FRYL: variants seen among roughly 807,000 people sequenced by gnomAD.
The protein encoded by FRYL is protein furry homolog-like.
Under a neutral mutation model 351.2 loss-of-function variants are expected in FRYL, and 150 were observed. That is an observed-to-expected ratio of 0.43 (90% CI 0.37 to 0.49). The LOEUF (loss-of-function observed/expected upper bound fraction) is 0.49. FRYL is among the 20% of genes least tolerant of loss of function. FRYL has a pLI of 0.00. For missense variants in FRYL, 3,036 were observed against 3,619.3 expected, an observed-to-expected ratio of 0.84 and a Z score of 4.13; for synonymous variants, 1,153 against 1,257.1, an observed-to-expected ratio of 0.92 and a Z score of 1.75.
In FRYL at chr4:48,540,784, C is replaced by A. The variant is rs375162329; in HGVS notation, c.5864G>T (p.Arg1955Leu). 6.2e-7 allele frequency: 1 copy of A among 1,613,786 alleles called. No individual in the cohort carries two copies. Residue 1955 changes from arginine to leucine, a missense_variant, in exon 46 of 64, where the codon CGG becomes CTG. Arg to Leu is a moderately radical substitution (Grantham distance 102). This residue lies in a region of FRYL where 1,987 missense variants were observed against 2,311.7 expected (regional missense o/e 0.86). Transcript: ENST00000358350. ...CATTATATCCAGTGTGTTACTCCGC[C>A]GCCGGTCACCTCGTCGGTCACCAAT... ...SLIGDRRGDR[R>L]RSNTLDIMDG...
intron 1 of FRYL, among the ~76,000 whole-genome samples, chr4:48,745,906 A>T (rs1772621396): frequency 6.6e-6 from 1 of 152,224 alleles, no homozygotes; most frequent in African/African-American, 2.4e-5. Context: ...GACATTTAGA[A>T]GATGATTGAT....
intron 1 of FRYL, among the ~76,000 whole-genome samples, chr4:48,722,791 A>C (rs1194697348): frequency 6.6e-6 from 1 of 152,214 alleles, no homozygotes; most frequent in Non-Finnish European, 1.5e-5. Flanking sequence ...ACTTCCTAAT[A>C]ATCACCATTT....
chr4:48,561,542 T>C lies in FRYL; in HGVS notation c.3791A>G (p.Tyr1264Cys), dbSNP rs1296084813. The C allele has an allele frequency of 2.5e-6, 4 of 1,612,656 alleles. No homozygotes were observed. The highest frequency in any genetic ancestry group is 3.4e-6 in the Non-Finnish European group (4 of 1,178,994). The change falls in exon 33 of 64, where the codon TAT (tyrosine) becomes TGT (cysteine). Residue 1264 changes from tyrosine to cysteine, a missense_variant. Transcript: ENST00000358350. The part of the protein sequence containing the change: ...LSQLSPLPHL[Y>C]SVSYYQLSEE... ...GGACAACTGATAATATGAAACAGAA[T>C]AGAGATGTGGTAGAGGAGACAGCTG...
Position 48,549,351 on chromosome 4 carries a change from G to A in FRYL, c.4784+122C>T. The A allele has an allele frequency of 2.8e-6, 2 of 717,056 alleles. No individual in the cohort carries two copies. The allele number at this position is 717,056 out of a possible 1,614,324, so 44.4% of individuals were successfully genotyped here. ...TCTTAGAATCTAAACACATTGATCT[G>A]TGTTGCAGTATCTCCATAAAGAAGA... On this transcript the variant is annotated intron_variant, in intron 39 of 63. Transcript: ENST00000358350. The surrounding 1 kb of genome is among the most constrained non-coding windows in gnomAD (Gnocchi z 4.2).
chr4:48,701,028 T>G (rs1766662622), intron 2 of FRYL, among the ~76,000 whole-genome samples: 1 of 152,158 alleles, frequency 6.6e-6, no homozygotes, highest in African/African-American at 2.4e-5. Flanking sequence ...TTAAGATACT[T>G]CTACCTTAAA....
intron 44 of FRYL, among the ~76,000 whole-genome samples, chr4:48,542,440 G>A (rs1458191049): frequency 1.3e-5 from 2 of 152,158 alleles, no homozygotes; most frequent in South Asian, 2.1e-4. Context: ...TATTTGAGAC[G>A]TAGTCTTGCT....
chr4:48,568,603 C>T (rs951018062), intron 27 of FRYL, among the ~76,000 whole-genome samples: 3 of 151,510 alleles, frequency 2.0e-5, no homozygotes, highest in African/African-American at 7.3e-5. Context: ...TGAGTAACTT[C>T]GGAATAAATA....
chr4:48,531,091 G>T, intron 50 of FRYL, 65 bp downstream of exon 50: 1 of 1,061,716 alleles, frequency 9.4e-7, no homozygotes. Context: ...TTAAATCAAA[G>T]AATGAATAAA....
intron 3 of FRYL, among the ~76,000 whole-genome samples, chr4:48,664,734 G>C (rs1315432030): frequency 6.6e-6 from 1 of 152,188 alleles, no homozygotes; most frequent in African/African-American, 2.4e-5. Flanking sequence ...TCAAGTGCTT[G>C]CTAGCCAACA....
chr4:48,540,187 G>T, intron 46 of FRYL, 119 bp from the exon 47 acceptor site: 6 of 1,129,648 alleles, frequency 5.3e-6, no homozygotes, highest in Non-Finnish European at 7.5e-6. Flanking sequence ...TGGGATATTC[G>T]ATCTTCTAAT....
At chr4:48,508,224 T>A (rs1403744431) in intron 59 of FRYL, among the ~76,000 whole-genome samples, 1 of 152,180 alleles carries the variant, frequency 6.6e-6, no homozygotes, top group Non-Finnish European at 1.5e-5. Context: ...TTCAAGAAGT[T>A]TGTAAGCATT....
chr4:48,521,058 C>T lies in FRYL; in HGVS notation c.7679G>A (p.Arg2560Gln), dbSNP rs765228287. The T allele has an allele frequency of 1.6e-5, 26 of 1,609,530 alleles. No homozygotes were observed. In the South Asian group the frequency reaches 2.4e-4, roughly 15 times the overall value. The change falls in exon 55 of 64, where the codon CGG becomes CAG. Residue 2560 changes from arginine (R) to glutamine (Q), a missense_variant. Arg to Gln is a conservative substitution (Grantham distance 43, BLOSUM62 1). Around this residue, in one of 7 missense-constraint regions of FRYL, gnomAD observed 1,987 missense variants for 2,311.7 expected, o/e 0.86. Coordinates refer to ENST00000358350, the MANE Select transcript of FRYL (RefSeq NM_015030.2). ...LEASLDNANS[R>Q]LPEDTTSVLK... is the part of the protein sequence containing the mutation. ...TCCATTTCTCCCCACCTCAGGCAGC[C>T]GGCTGTTAGCATTATCTAGAGAAGC...
Position 48,631,316 on chromosome 4 carries a change from A to C in FRYL, c.120+2975T>G, listed in dbSNP as rs753726481. ...TTACCACTATTAATCATAATTTTAT[A>C]ATCTCAGATTACATAGCAGATGCCT... On this transcript the variant is annotated intron_variant, in intron 4 of 63. Coordinates refer to ENST00000358350, the MANE Select transcript of FRYL (RefSeq NM_015030.2). Among the ~76,000 whole-genome samples, 37 of 152,308 alleles carry C rather than the reference A, an allele frequency of 2.4e-4. 1 individual carries two copies. The highest frequency in any genetic ancestry group is 4.6e-4 in the Non-Finnish European group (31 of 68,024).
intron 2 of FRYL, among the ~76,000 whole-genome samples, chr4:48,690,639 A>G (rs1248568992): frequency 6.6e-6 from 1 of 152,236 alleles, no homozygotes; most frequent in Non-Finnish European, 1.5e-5. Flanking sequence ...GGAAGGGAAC[A>G]TGTGACCCCT....
intron 3 of FRYL, among the ~76,000 whole-genome samples, chr4:48,660,830 T>A (rs1232421065): frequency 4.6e-5 from 7 of 152,020 alleles, no homozygotes; most frequent in African/African-American, 1.2e-4. Flanking sequence ...AGAAAAAACA[T>A]GAGACAAATC....
chr4:48,567,199 T>C lies in FRYL; in HGVS notation c.3169+49A>G, dbSNP rs980440339. ...TTAAACCTCAAGGAAAGAAAAAATA[T>C]GACGGTTCCTTAATACTCAATAATG... is the stretch of plus-strand genomic sequence containing the variant. On this transcript the variant is annotated intron_variant, in intron 28 of 63. Coordinates refer to ENST00000358350, the MANE Select transcript of FRYL (RefSeq NM_015030.2). This position sits in a 1 kb window ranked among gnomAD's most constrained non-coding sequence, Gnocchi z 4.2. 5 of 1,461,100 alleles carry C rather than the reference T, an allele frequency of 3.4e-6. No homozygotes were observed. Among genetic ancestry groups the C allele is most frequent in the African/African-American group, 1.4e-5 (1 of 69,208 alleles). The allele number at this position is 1,461,100 out of a possible 1,614,324, so 90.5% of individuals were successfully genotyped here. A position where few individuals can be genotyped will look rare whatever the true frequency, so the allele number is the denominator to read the frequency against.
Position 48,499,512 on chromosome 4 carries a change from C to G in FRYL, c.8952G>C (p.Leu2984=). 6.2e-7 allele frequency: 1 copy of G among 1,614,050 alleles called. No homozygotes were observed. The highest frequency in any genetic ancestry group is 8.5e-7 in the Non-Finnish European group (1 of 1,179,950). Residue 2984 remains leucine, a synonymous_variant, in exon 64 of 64, where the codon CTG becomes CTC. Coordinates refer to ENST00000358350, the MANE Select transcript of FRYL (RefSeq NM_015030.2). ...CCATGCGTAGAGACTCTCTTATTTC[C>G]AGATTAAGTTCCATCAGTTTGTAGT... ...EANYKLMELN[L]EIRESLRMVQ...
Position 48,535,801 on chromosome 4 carries a change from T to G in FRYL, c.6420A>C (p.Thr2140=). The change falls in exon 48 of 64, where the codon ACA becomes ACC. Residue 2140 remains threonine (T), a synonymous_variant. Transcript: ENST00000358350. ...TCATCATGTGTGCCAGATTGACAAG[T>G]GTTGGGCATTTTTCTTCTGCACAAA... ...AKVCAEEKCP[T]LVNLAHMMSL... 1 of 1,549,836 alleles carries G rather than the reference T, an allele frequency of 6.5e-7. No homozygotes were observed. The highest frequency in any genetic ancestry group is 1.3e-5 in the South Asian group (1 of 78,926).
At chr4:48,591,589 A>G (rs1424142528) in intron 16 of FRYL, among the ~76,000 whole-genome samples, 1 of 152,036 alleles carries the variant, frequency 6.6e-6, no homozygotes, top group African/African-American at 2.4e-5. Context: ...TTTGGTATCT[A>G]TGTTCCACTT....
Sources: allele counts gnomAD v4.1 joint callset (sites outside exome capture counted in the v4.1 genomes callset), GRCh38; gene constraint gnomAD v4.1.1; regional missense constraint gnomAD v4.1.1; non-coding constraint Gnocchi (gnomAD v3.1); transcripts MANE v1.5; gene names NCBI Gene and HGNC (gene_info 2026-07-23, HGNC 2026-07-21).